FBXW10: variants seen among roughly 807,000 people sequenced by gnomAD.
The protein encoded by FBXW10 is F-box and WD repeat domain containing 10, also known as F-box/WD repeat-containing protein 10.
In FBXW10, 68 loss-of-function variants were observed where a neutral mutation model predicts 113.1. The observed-to-expected ratio is 0.60, with a 90% CI of 0.49 to 0.74. The LOEUF (loss-of-function observed/expected upper bound fraction) is 0.74. Ranked by LOEUF, FBXW10 falls within the 30% of genes least tolerant of loss-of-function variation. The probability of loss-of-function intolerance (pLI) is 0.00; values close to 1 mark genes in which losing one functional copy is unlikely to be tolerated. For synonymous variants in FBXW10, 289 were observed against 481.6 expected (o/e 0.60, Z 5.24); for missense variants, 753 against 1,284.5 (o/e 0.59, Z 6.32).
At chr17:18,750,880 G>T (rs1597589207) in intron 4 of FBXW10, 51 bp from the exon 5 acceptor site, 2 of 1,577,940 alleles carry the variant, frequency 1.3e-6, no homozygotes, top group Non-Finnish European at 1.7e-6. Flanking sequence ...GGAGCCAAGA[G>T]AAGCCATTTT....
chr17:18,756,230 C>T, intron 6 of FBXW10, 76 bp downstream of exon 6: 2 of 1,416,318 alleles, frequency 1.4e-6, no homozygotes, highest in Non-Finnish European at 2.0e-6. Flanking sequence ...TTTCCCTGAC[C>T]TTTGTGTACA....
intron 12 of FBXW10, among the ~76,000 whole-genome samples, chr17:18,774,022 T>C (rs552400908): frequency 6.6e-6 from 1 of 152,058 alleles, no homozygotes; most frequent in Non-Finnish European, 1.5e-5. Context: ...GATCGGCTAC[T>C]ATTGATTACA....
chr17:18,773,991 T>C (rs2035659951), intron 12 of FBXW10, among the ~76,000 whole-genome samples: 1 of 152,208 alleles, frequency 6.6e-6, no homozygotes. Flanking sequence ...ATACAAAGGC[T>C]AACATACAGA....
In FBXW10 at chr17:18,750,023, A is replaced by G; in HGVS notation, c.885A>G (p.Arg295=). 5.6e-6 allele frequency: 9 copies of G among 1,613,856 alleles called. No homozygotes were observed. The highest frequency in any genetic ancestry group is 1.1e-5 in the South Asian group (1 of 91,058). ...TTTTTTTTCCAGGAATGCTGGATAG[A>G]CACACCCTGAACAAGTGCGCCTCTG... The part of the protein sequence containing the change: ...LSKYILRMLD[R]HTLNKCASVS... The change falls in exon 4 of 14, where the codon AGA becomes AGG. Residue 295 remains arginine (R), a synonymous_variant. Transcript: ENST00000395665.
At chr17:18,745,445 T>TC (rs2035022481) in intron 1 of FBXW10, 2 of 175,532 alleles carry the variant, frequency 1.1e-5, no homozygotes. Flanking sequence ...AGATGGAGTC[T>TC]CGCTCTGTCA....
rs566875496 is a variant in FBXW10, at chr17:18,769,080, C to T, written c.1847+404C>T. 2.5e-4 allele frequency among the ~76,000 whole-genome samples: 38 copies of T among 151,618 alleles called. No individual in the cohort carries two copies. The South Asian group carries it at 7.6e-3, about 30-fold the overall frequency. On this transcript the variant is annotated intron_variant, in intron 10 of 13. Coordinates refer to ENST00000395665, the MANE Select transcript of FBXW10 (RefSeq NM_001267585.2). ...CTTTCTAAGTAGCTGGGACTACAGGCGCCCACCACCACACCCAGCTAATTT... is the reference window on the plus strand; with the variant it reads ...CTTTCTAAGTAGCTGGGACTACAGGTGCCCACCACCACACCCAGCTAATTT...
Position 18,770,080 on chromosome 17 carries a change from C to T in FBXW10, c.2001C>T (p.Gly667=). 4 of 1,614,078 alleles carry T rather than the reference C, an allele frequency of 2.5e-6. No individual in the cohort carries two copies. Among genetic ancestry groups the T allele is most frequent in the Non-Finnish European group, 3.4e-6 (4 of 1,180,012 alleles). The change falls in exon 11 of 14, where the codon GGC becomes GGT. Residue 667 remains glycine (G), a synonymous_variant. Transcript: ENST00000395665. The stretch of plus-strand genomic sequence containing the variant: ...CTGTGCTGTCCTTCTTTATTCAGGG[C>T]AACAGGTGGGTGGTAGGTGTGGAGG... ...GDPVLSFFIQ[G]NRMVVNTESN... is the part of the protein sequence containing the mutation.
Position 18,779,171 on chromosome 17 carries a change from G to C in FBXW10, c.3032G>C (p.Gly1011Ala). Reference protein sequence around the residue: ...MKEYQARESTGVVDPGKVSKA... With the variant: ...MKEYQARESTAVVDPGKVSKA... ...GAATATCAGGCCAGGGAGTCCACTG[G>C]AGTGGTTGATCCAGGAAAAGTCAGC... Residue 1011 changes from glycine to alanine, a missense_variant, in exon 14 of 14, where the codon GGA (glycine) becomes GCA (alanine). Gly to Ala is a moderately conservative substitution (Grantham distance 60). Coordinates refer to ENST00000395665, the MANE Select transcript of FBXW10 (RefSeq NM_001267585.2). 7.5e-7 allele frequency: 1 copy of C among 1,328,548 alleles called. No individual in the cohort carries two copies. Among genetic ancestry groups the C allele is most frequent in the Non-Finnish European group, 1.1e-6 (1 of 946,594 alleles). 82.3% of individuals were successfully genotyped at this position (1,328,548 alleles called of 1,614,324 possible).
At chr17:18,749,421 C>A (rs138532528) in intron 2 of FBXW10, among the ~76,000 whole-genome samples, 8,920 of 151,756 alleles carry the variant, frequency 0.059, 685 homozygotes, top group African/African-American at 0.18. Context: ...GTGGCGGGCT[C>A]CTGTAGTCCC....
Position 18,772,667 on chromosome 17 carries a change from G to A in FBXW10, c.2262G>A (p.Pro754=), listed in dbSNP as rs764972880. Residue 754 remains proline, a synonymous_variant, in exon 12 of 14, where the codon CCG becomes CCA. Transcript: ENST00000395665. The part of the protein sequence containing the change: ...KPPKSRVLLK[P]AKFSSAVLIE... ...CCAAGTCCCGAGTACTCCTGAAGCC[G>A]GCCAAGTTCTCTTCAGGTAAAAAAC... The A allele has an allele frequency of 1.8e-5, 29 of 1,610,126 alleles. No individual in the cohort carries two copies. Among genetic ancestry groups the A allele is most frequent in the Middle Eastern group, 1.7e-4 (1 of 6,050 alleles).
At chr17:18,748,301 T>TC (rs1344889391) in intron 2 of FBXW10, among the ~76,000 whole-genome samples, 196 bp downstream of exon 2, 2 of 149,318 alleles carry the variant, frequency 1.3e-5, no homozygotes, top group African/African-American at 5.0e-5. Flanking sequence ...GCACCTGTAG[T>TC]CCCAGCTACT....
chr17:18,770,196 G>A, intron 11 of FBXW10, 111 bp downstream of exon 11: 2 of 1,492,350 alleles, frequency 1.3e-6, no homozygotes, highest in Non-Finnish European at 1.8e-6. Flanking sequence ...GAGAGAGTGT[G>A]CAATGCCTCT....
rs141190398 is a variant in FBXW10 at position 18,760,393 on chromosome 17, C to T, written c.1433+1888C>T. ...CAGCGTGGGGCCAGCAGGCTGGAGA[C>T]CCAGGAGAGCCAACGGTGCAGATGA... On this transcript the variant is annotated intron_variant, in intron 7 of 13. Coordinates refer to ENST00000395665, the MANE Select transcript of FBXW10 (RefSeq NM_001267585.2). Among the ~76,000 whole-genome samples the T allele has an allele frequency of 7.7e-4, 117 of 152,338 alleles. 1 individual carries two copies. The highest frequency in any genetic ancestry group is 2.7e-3 in the African/African-American group (114 of 41,568).
At chr17:18,772,737 G>A (rs1208785015) in intron 12 of FBXW10, 54 bp downstream of exon 12, 2 of 1,501,174 alleles carry the variant, frequency 1.3e-6, no homozygotes, top group African/African-American at 1.4e-5. Flanking sequence ...GCAGGTCGGG[G>A]TTTGGTGGGG....
chr17:18,764,717 C>T (rs1320981280), intron 7 of FBXW10, 25 bp from the exon 8 acceptor site: 14 of 1,613,676 alleles, frequency 8.7e-6, no homozygotes, highest in Non-Finnish European at 1.2e-5. Flanking sequence ...GGAACTCTCA[C>T]ATTCTTTTGG....
chr17:18,768,051 CTTCT>C (rs1555537895), intron 9 of FBXW10, among the ~76,000 whole-genome samples: 204 of 91,764 alleles, frequency 2.2e-3, no homozygotes, highest in African/African-American at 6.5e-3. Context: ...TCCTTCCTTC[CTTCT>C]TTCTTTCTTT....
At position 18,769,957 on chromosome 17, in the gene FBXW10, C is replaced by G. The variant is rs1263340088; in HGVS notation, c.1878C>G (p.Leu626=). ...KEVLDVSLLF[L]RVISACADGK... ...TGCTCGACGTGTCCCTTCTCTTCCTCCGGGTCATCAGCGCCTGTGCAGATG... is the reference window on the plus strand; with the variant it reads ...TGCTCGACGTGTCCCTTCTCTTCCTGCGGGTCATCAGCGCCTGTGCAGATG... Residue 626 remains leucine (L), a synonymous_variant, in exon 11 of 14, where the codon CTC becomes CTG. Transcript: ENST00000395665. The G allele has an allele frequency of 1.2e-6, 2 of 1,614,054 alleles. No individual in the cohort carries two copies. The highest frequency in any genetic ancestry group is 8.5e-7 in the Non-Finnish European group (1 of 1,180,038).
chr17:18,769,254 G>T (rs2035562860), intron 10 of FBXW10, among the ~76,000 whole-genome samples: 5 of 151,994 alleles, frequency 3.3e-5, no homozygotes, highest in Admixed American at 2.6e-4. Flanking sequence ...ATTTTAGAAA[G>T]AATCAAAACA....
At position 18,775,296 on chromosome 17, in the gene FBXW10, T is replaced by C; in HGVS notation, c.2335+104T>C. 4.0e-6 allele frequency: 3 copies of C among 742,638 alleles called. No individual in the cohort carries two copies. In the Admixed American group the frequency reaches 6.5e-5, roughly 16 times the overall value. 46.0% of individuals were successfully genotyped at this position (742,638 alleles called of 1,614,324 possible). A position where few individuals can be genotyped will look rare whatever the true frequency, so the allele number is the denominator to read the frequency against. ...CAGCAGGAGATAAGACAAAAAGTCA[T>C]ACTTAATTCTGAATTAGTGGCAAGA... On this transcript the variant is annotated intron_variant, in intron 13 of 13. Transcript: ENST00000395665.
Sources: allele counts gnomAD v4.1 joint callset (sites outside exome capture counted in the v4.1 genomes callset), GRCh38; gene constraint gnomAD v4.1.1; transcripts MANE v1.5; gene names NCBI Gene and HGNC (gene_info 2026-07-23, HGNC 2026-07-21).